The following SCAPER variants were observed in gnomAD, a reference collection of about 807,000 sequenced individuals.
SCAPER encodes S phase cyclin A-associated protein in the endoplasmic reticulum.
SCAPER carries 98 observed loss-of-function variants against 182.2 expected under a neutral mutation model. The observed-to-expected ratio is 0.54, with a 90% CI of 0.46 to 0.64. The LOEUF (loss-of-function observed/expected upper bound fraction) is 0.64, where lower values mean the gene tolerates loss of function less well. Ranked by LOEUF, SCAPER falls within the 30% of genes least tolerant of loss-of-function variation. The probability of loss-of-function intolerance (pLI) is 0.00; values close to 1 mark genes in which losing one functional copy is unlikely to be tolerated. For synonymous variants in SCAPER, 605 were observed against 564.6 expected (o/e 1.07, Z -1.01); for missense variants, 1,432 against 1,690.0 (o/e 0.85, Z 2.68).
chr15:76,349,305 C>T (rs754147073), intron 31 of SCAPER: 2 of 152,156 alleles, frequency 1.3e-5, no homozygotes, highest in Admixed American at 6.5e-5. Context: ...TAAATGATGA[C>T]GTTTTCTGAA....
chr15:76,847,145 T>C (rs1208984289), intron 4 of SCAPER, among the ~76,000 whole-genome samples: 3 of 152,090 alleles, frequency 2.0e-5, no homozygotes, highest in Non-Finnish European at 4.4e-5. Context: ...CTAAATACCA[T>C]ATCAATTGCA....
intron 23 of SCAPER, among the ~76,000 whole-genome samples, chr15:76,519,984 T>C (rs1324707298): frequency 6.6e-6 from 1 of 152,330 alleles, no homozygotes; most frequent in Admixed American, 6.5e-5. Context: ...TTGTAGTATC[T>C]TAAAATTGTA....
At chr15:76,833,778 T>G (rs2068709019) in intron 5 of SCAPER, among the ~76,000 whole-genome samples, 5 of 152,184 alleles carry the variant, frequency 3.3e-5, no homozygotes, top group Admixed American at 3.3e-4. Flanking sequence ...TATTACATAT[T>G]GATAAAGGGT....
chr15:76,774,888 G>A lies in SCAPER; in HGVS notation c.1002C>T (p.His334=). The part of the protein sequence containing the change: ...TIESHPKDSL[H]SCDHPLAEKT... ...TTTCGGCAAGAGGATGGTCACAAGAGTGTAATGAGTCTTTGGGATGAGATT... is the reference window on the plus strand; with the variant it reads ...TTTCGGCAAGAGGATGGTCACAAGAATGTAATGAGTCTTTGGGATGAGATT... Residue 334 remains histidine, a synonymous_variant, in exon 9 of 32, where the codon CAC becomes CAT. Transcript: ENST00000563290. The A allele has an allele frequency of 1.2e-6, 2 of 1,613,382 alleles. No homozygotes were observed. Among genetic ancestry groups the A allele is most frequent in the Non-Finnish European group, 1.7e-6 (2 of 1,179,612 alleles).
At chr15:76,790,464 C>A (rs2064929196) in intron 8 of SCAPER, among the ~76,000 whole-genome samples, 1 of 152,146 alleles carries the variant, frequency 6.6e-6, no homozygotes, top group Non-Finnish European at 1.5e-5. Flanking sequence ...TACAAACTCA[C>A]ACTTTTTAAA....
chr15:76,525,992 T>G (rs1337853489), intron 23 of SCAPER, among the ~76,000 whole-genome samples: 1 of 152,216 alleles, frequency 6.6e-6, no homozygotes, highest in African/African-American at 2.4e-5. Flanking sequence ...GTAGACGCAT[T>G]CCTTTTTCTC....
intron 24 of SCAPER, among the ~76,000 whole-genome samples, chr15:76,493,045 G>A (rs2052481097): frequency 6.6e-6 from 1 of 152,088 alleles, no homozygotes. Context: ...AACACTTAGA[G>A]TGGGTGGGGA....
At chr15:76,675,971 C>T (rs2057349067) in intron 20 of SCAPER, among the ~76,000 whole-genome samples, 1 of 152,034 alleles carries the variant, frequency 6.6e-6, no homozygotes, top group Non-Finnish European at 1.5e-5. Flanking sequence ...ATTACAGGCG[C>T]CCGCCACCAT....
Position 76,795,421 on chromosome 15 carries a change from G to C in SCAPER, c.631C>G (p.Pro211Ala). 6.2e-7 allele frequency: 1 copy of C among 1,601,244 alleles called. No individual in the cohort carries two copies. Among genetic ancestry groups the C allele is most frequent in the Non-Finnish European group, 8.5e-7 (1 of 1,173,412 alleles). Residue 211 changes from proline to alanine, a missense_variant, in exon 8 of 32, where the codon CCA (proline) becomes GCA (alanine). Transcript: ENST00000563290. ...LNFGGSTGTV[P>A]APRLAPTGVS... ...CCTGTGGGAGCCAGACGAGGAGCTG[G>C]CACTGTGCCAGTTGAACCTCTATGG...
At chr15:76,557,615 C>G (rs1271934573) in intron 23 of SCAPER, among the ~76,000 whole-genome samples, 1 of 152,156 alleles carries the variant, frequency 6.6e-6, no homozygotes, top group African/African-American at 2.4e-5. Flanking sequence ...GCCTGCTCCC[C>G]CTTTGCCTTC....
chr15:76,854,138 G>A (rs187851667), intron 4 of SCAPER, among the ~76,000 whole-genome samples: 20 of 152,080 alleles, frequency 1.3e-4, no homozygotes, highest in Middle Eastern at 3.4e-3. Flanking sequence ...GCATGGTGAC[G>A]TGAACCTGTA....
chr15:76,416,976 A>G (rs1350109742), intron 26 of SCAPER, among the ~76,000 whole-genome samples: 2 of 152,122 alleles, frequency 1.3e-5, no homozygotes, highest in Non-Finnish European at 2.9e-5. Context: ...TTGAGGCAGA[A>G]GGACTGCTTG....
chr15:76,471,970 T>C (rs1335743418), intron 24 of SCAPER: 4 of 191,612 alleles, frequency 2.1e-5, no homozygotes, highest in South Asian at 1.0e-4. Flanking sequence ...TAAAAAAATA[T>C]GCTGAAAAAA....
chr15:76,622,002 C>T (rs1186917384), intron 21 of SCAPER, among the ~76,000 whole-genome samples, 173 bp from the exon 22 acceptor site: 1 of 151,992 alleles, frequency 6.6e-6, no homozygotes, highest in Non-Finnish European at 1.5e-5. Context: ...AAGATAAATA[C>T]AGGTAAATAA....
intron 24 of SCAPER, among the ~76,000 whole-genome samples, chr15:76,497,406 T>C (rs2040661778): frequency 6.6e-6 from 1 of 151,950 alleles, no homozygotes; most frequent in Non-Finnish European, 1.5e-5. Context: ...GCTATGGCCA[T>C]TGAGGGGAGC....
In SCAPER at chr15:76,766,910, A is replaced by G; in HGVS notation, c.1419+8T>C. The G allele has an allele frequency of 6.3e-7, 1 of 1,582,852 alleles. No homozygotes were observed. The highest frequency in any genetic ancestry group is 8.5e-7 in the Non-Finnish European group (1 of 1,171,608). The stretch of plus-strand genomic sequence containing the variant: ...TGAATAGTTATGTTAAAAAGTCTAA[A>G]AGCTCACAGAAAAATCACTGTCGTT... On this transcript the variant is annotated splice_region_variant and intron_variant, in intron 11 of 31. Transcript: ENST00000563290.
At chr15:76,474,305 G>C (rs2050446696) in intron 24 of SCAPER, among the ~76,000 whole-genome samples, 1 of 152,214 alleles carries the variant, frequency 6.6e-6, no homozygotes. Flanking sequence ...AGGTGGATAA[G>C]ATAGGCAAGT....
intron 21 of SCAPER, among the ~76,000 whole-genome samples, chr15:76,643,677 G>A (rs1394179904): frequency 6.6e-6 from 1 of 152,102 alleles, no homozygotes; most frequent in East Asian, 1.9e-4. Context: ...GCGAAACTCT[G>A]TCTTTAAAAA....
intron 21 of SCAPER, among the ~76,000 whole-genome samples, chr15:76,624,212 T>C (rs1339927650): frequency 6.6e-6 from 1 of 152,160 alleles, no homozygotes; most frequent in Non-Finnish European, 1.5e-5. Flanking sequence ...GGATACAAAA[T>C]CAATGTACAA....
Sources: gnomAD v4.1 joint callset for allele counts (sites outside exome capture counted in the v4.1 genomes callset) on GRCh38, gnomAD v4.1.1 for gene constraint, MANE v1.5 for transcripts, NCBI Gene and HGNC (gene_info 2026-07-23, HGNC 2026-07-21) for gene names.